Variants in STK32B observed in about 807,000 individuals in gnomAD.
STK32B encodes the protein serine/threonine kinase 32B.
In STK32B, 43 loss-of-function variants were observed where a neutral mutation model predicts 52.6. The observed-to-expected ratio is 0.82, with a 90% CI of 0.64 to 1.05. The LOEUF is 1.05. Ranked by LOEUF, STK32B falls within the 50% of genes least tolerant of loss-of-function variation. The pLI is 0.00. For synonymous variants in STK32B, 238 were observed against 204.3 expected, an observed-to-expected ratio of 1.17 and a Z score of -1.41; for missense variants, 621 against 534.6, an observed-to-expected ratio of 1.16 and a Z score of -1.59.
At chr4:5,044,115 G>T in the STK32B span, among the ~76,000 whole-genome samples, 1 of 152,080 alleles carries the variant, frequency 6.6e-6, no homozygotes, top group Non-Finnish European at 1.5e-5. Context: ...TTCGCCAAAG[G>T]CAGTTGATCC....
rs188254489 is a variant in STK32B, at chr4:5,395,324, C to T, written c.435-2883C>T. On this transcript the variant is annotated intron_variant, in intron 4 of 11. Transcript: ENST00000282908. The surrounding 1 kb of genome is among the most constrained non-coding windows in gnomAD (Gnocchi z 4.4). ...TTGTCAGCTTCCATGGCTAGGACCA[C>T]GTCACAGGTGAGATCATTTATTCTC... Among the ~76,000 whole-genome samples, 62 of 152,342 alleles carry T rather than the reference C, an allele frequency of 4.1e-4. No individual in the cohort carries two copies. Among genetic ancestry groups the T allele is most frequent in the Non-Finnish European group, 8.5e-4 (58 of 68,036 alleles).
At chr4:5,077,689 C>G (rs899044780) in intron 1 of STK32B, among the ~76,000 whole-genome samples, 13 of 152,074 alleles carry the variant, frequency 8.5e-5, no homozygotes, top group African/African-American at 2.9e-4. Context: ...TATAACAACT[C>G]CAGTACCGTG....
intron 11 of STK32B, among the ~76,000 whole-genome samples, chr4:5,471,085 C>A (rs945920771): frequency 9.2e-5 from 14 of 152,194 alleles, no homozygotes; most frequent in Non-Finnish European, 1.5e-4. Context: ...GTGGGGGCTG[C>A]AAAGATAAAT....
chr4:5,481,396 T>C (rs1416457803), intron 11 of STK32B, among the ~76,000 whole-genome samples: 4 of 152,254 alleles, frequency 2.6e-5, no homozygotes, highest in Non-Finnish European at 5.9e-5. Flanking sequence ...GAGAAGTGTC[T>C]GTTCATATCC....
chr4:5,291,018 C>G (rs1308405410), intron 3 of STK32B, among the ~76,000 whole-genome samples: 1 of 152,108 alleles, frequency 6.6e-6, no homozygotes, highest in East Asian at 1.9e-4. Flanking sequence ...ATGTTTGTGT[C>G]TGGACTCAAT....
At position 5,497,391 on chromosome 4, in the gene STK32B, G is replaced by A. The variant is rs145410709; in HGVS notation, c.1107-1554G>A. On this transcript the variant is annotated intron_variant, in intron 11 of 11. Transcript: ENST00000282908. ...TGATAAGCCACCTCTTCAACTGAGG[G>A]TAAGAGGAAATATCCCATCACCAAG... is the stretch of plus-strand genomic sequence containing the variant. 7.4e-3 allele frequency among the ~76,000 whole-genome samples: 1,129 copies of A among 152,306 alleles called. 13 individuals are homozygous for A. The highest frequency in any genetic ancestry group is 0.011 in the Non-Finnish European group (742 of 68,028).
rs76942970 is a variant in STK32B at position 5,278,100 on chromosome 4, C to T, written c.261-53120C>T. Among the ~76,000 whole-genome samples, 552 of 152,288 alleles carry T rather than the reference C, an allele frequency of 3.6e-3. 2 individuals are homozygous for T. Among genetic ancestry groups the T allele is most frequent in the African/African-American group, 0.012 (495 of 41,566 alleles). ...GACTCAGGTGACTAATGACAGGCCC[C>T]AGGGGTGGCAGGTAGAAGATGACGT... On this transcript the variant is annotated intron_variant, in intron 3 of 11. Coordinates refer to ENST00000282908, the MANE Select transcript of STK32B (RefSeq NM_018401.3).
chr4:5,456,641 T>C lies in STK32B; in HGVS notation c.667-166T>C, dbSNP rs75298557. Reference sequence around the variant, plus strand: ...TGCACTGCCCCCTGGGCCTGGTTACTGTTGGCACTTGGGTTCGGGCCACCT... The same window carrying C: ...TGCACTGCCCCCTGGGCCTGGTTACCGTTGGCACTTGGGTTCGGGCCACCT... On this transcript the variant is annotated intron_variant, in intron 7 of 11. Coordinates refer to ENST00000282908, the MANE Select transcript of STK32B (RefSeq NM_018401.3). 4.6e-3 allele frequency among the ~76,000 whole-genome samples: 704 copies of C among 152,364 alleles called. 19 individuals are homozygous for C. The East Asian group carries it at 0.068, about 15-fold the overall frequency.
At chr4:5,248,718 C>A (rs1725648960) in intron 3 of STK32B, among the ~76,000 whole-genome samples, 1 of 152,158 alleles carries the variant, frequency 6.6e-6, no homozygotes, top group South Asian at 2.1e-4. Flanking sequence ...AAATGTGGCA[C>A]ATATACACCG....
At chr4:5,261,166 A>T (rs7667036) in intron 3 of STK32B, among the ~76,000 whole-genome samples, 1 of 151,946 alleles carries the variant, frequency 6.6e-6, no homozygotes, top group Non-Finnish European at 1.5e-5. Flanking sequence ...GCACATCATG[A>T]CATCCTTCAC....
At chr4:5,219,990 T>C (rs1276005228) in intron 3 of STK32B, among the ~76,000 whole-genome samples, 1 of 152,150 alleles carries the variant, frequency 6.6e-6, no homozygotes, top group Admixed American at 6.5e-5. Context: ...AAGTTTAAGG[T>C]TGTACAAACT....
intron 11 of STK32B, among the ~76,000 whole-genome samples, chr4:5,480,619 A>G (rs2109196443): frequency 6.6e-6 from 1 of 152,174 alleles, no homozygotes; most frequent in South Asian, 2.1e-4. Flanking sequence ...TTTAGGGTAC[A>G]TGTGCACAAC....
chr4:5,243,881 T>G (rs1214402233), intron 3 of STK32B, among the ~76,000 whole-genome samples: 1 of 152,246 alleles, frequency 6.6e-6, no homozygotes, highest in Non-Finnish European at 1.5e-5. Flanking sequence ...TGGATTATGT[T>G]TACTGATGTT....
At chr4:5,230,178 CTTTTTTTTTTT>C (rs752036100) in intron 3 of STK32B, among the ~76,000 whole-genome samples, 25 of 71,124 alleles carry the variant, frequency 3.5e-4, no homozygotes, top group African/African-American at 8.5e-4. Flanking sequence ...CATGCATTCC[CTTTTTTTTTTT>C]TTTTTTTTTT....
At chr4:5,437,301 G>A (rs1339833705) in intron 6 of STK32B, among the ~76,000 whole-genome samples, 1 of 152,268 alleles carries the variant, frequency 6.6e-6, no homozygotes, top group Non-Finnish European at 1.5e-5. Flanking sequence ...TGTGGAGGCT[G>A]AAAGTCCAAT....
intron 4 of STK32B, among the ~76,000 whole-genome samples, chr4:5,336,849 G>C (rs967235514): frequency 2.6e-5 from 4 of 152,176 alleles, no homozygotes; most frequent in African/African-American, 4.8e-5. Context: ...GAGAGCCTAC[G>C]AAGGGCACGG....
chr4:5,379,432 C>T (rs75419638), intron 4 of STK32B, among the ~76,000 whole-genome samples: 17 of 152,256 alleles, frequency 1.1e-4, no homozygotes, highest in African/African-American at 3.9e-4. Context: ...GAGGCTCCCC[C>T]ACTCTGGTAC....
chr4:5,264,252 CAT>C (rs1335033372), intron 3 of STK32B, among the ~76,000 whole-genome samples: 1 of 152,120 alleles, frequency 6.6e-6, no homozygotes, highest in Non-Finnish European at 1.5e-5. Flanking sequence ...CAAAAGTTAT[CAT>C]AAAATTTTAC....
chr4:5,490,227 C>T (rs1719603517), intron 11 of STK32B, among the ~76,000 whole-genome samples: 1 of 151,962 alleles, frequency 6.6e-6, no homozygotes, highest in South Asian at 2.1e-4. Context: ...CTGCCTCAGC[C>T]TCCCGAGTAG....
Sources: gnomAD v4.1 joint callset for allele counts (sites outside exome capture counted in the v4.1 genomes callset) on GRCh38, gnomAD v4.1.1 for gene constraint, Gnocchi (gnomAD v3.1) non-coding constraint, MANE v1.5 for transcripts, NCBI Gene and HGNC (gene_info 2026-07-23, HGNC 2026-07-21) for gene names.